ACOT7: variants seen among roughly 807,000 people sequenced by gnomAD.
ACOT7 encodes acyl-CoA thioesterase 7.
Under a neutral mutation model 40.2 loss-of-function variants are expected in ACOT7, and 12 were observed. The observed-to-expected ratio is 0.30, with a 90% CI of 0.19 to 0.48. The LOEUF is 0.48. Ranked by LOEUF, ACOT7 falls within the 20% of genes least tolerant of loss-of-function variation. The probability of loss-of-function intolerance (pLI) is 0.99; values close to 1 mark genes in which losing one functional copy is unlikely to be tolerated. For missense variants in ACOT7, 395 were observed against 530.8 expected (o/e 0.74, Z 2.51); for synonymous variants, 228 against 219.5 (o/e 1.04, Z -0.34).
chr1:6,336,333 CAAAAAAAAAAAAA>C (rs3029068), intron 3 of ACOT7, among the ~76,000 whole-genome samples: 44 of 52,776 alleles, frequency 8.3e-4, no homozygotes, highest in African/African-American at 3.3e-3. Context: ...GACTCGGTCT[CAAAAAAAAAAAAA>C]AAAAAAAAAA....
intron 6 of ACOT7, among the ~76,000 whole-genome samples, chr1:6,302,965 G>A (rs938780169): frequency 2.8e-4 from 42 of 152,206 alleles, no homozygotes; most frequent in Admixed American, 2.6e-3. Context: ...GAAAAACATA[G>A]TGCCTTCCTC....
At chr1:6,290,833 T>TG (rs1222956654) in intron 7 of ACOT7, among the ~76,000 whole-genome samples, 1 of 152,230 alleles carries the variant, frequency 6.6e-6, no homozygotes, top group Admixed American at 6.5e-5. Flanking sequence ...CTAGTGAGGC[T>TG]GCTCTCTGAA....
intron 8 of ACOT7, among the ~76,000 whole-genome samples, chr1:6,276,959 C>T (rs1404215226): frequency 1.3e-5 from 2 of 152,164 alleles, no homozygotes; most frequent in Admixed American, 1.3e-4. Context: ...GCCCCTTCCC[C>T]CAGGGCTGGC....
intron 3 of ACOT7, among the ~76,000 whole-genome samples, chr1:6,336,014 C>T (rs1641091037): frequency 6.6e-6 from 1 of 152,172 alleles, no homozygotes; most frequent in Non-Finnish European, 1.5e-5. Flanking sequence ...TTTTCTCCAT[C>T]ATTTAATGAA....
chr1:6,268,890 C>T (rs1305316634), intron 8 of ACOT7, among the ~76,000 whole-genome samples: 2 of 152,216 alleles, frequency 1.3e-5, no homozygotes, highest in African/African-American at 4.8e-5. Flanking sequence ...CCACAGCCCT[C>T]CAGCCGCCGA....
intron 5 of ACOT7, among the ~76,000 whole-genome samples, chr1:6,325,349 G>A (rs1640769565): frequency 6.6e-6 from 1 of 151,298 alleles, no homozygotes. Flanking sequence ...AGTGAGCTGA[G>A]ATCGCGCCAC....
intron 7 of ACOT7, among the ~76,000 whole-genome samples, chr1:6,285,843 G>T (rs1231861980): frequency 6.6e-6 from 1 of 152,158 alleles, no homozygotes; most frequent in African/African-American, 2.4e-5. Context: ...CAGCCCTCCC[G>T]CCAGGCATGA....
chr1:6,300,240 T>C (rs1639928840), intron 6 of ACOT7, among the ~76,000 whole-genome samples: 1 of 152,128 alleles, frequency 6.6e-6, no homozygotes, highest in South Asian at 2.1e-4. Context: ...CACCAAAGCC[T>C]AGCATCAGGA....
intron 3 of ACOT7, among the ~76,000 whole-genome samples, chr1:6,336,972 G>A (rs759754207): frequency 2.5e-4 from 38 of 152,194 alleles, no homozygotes; most frequent in Non-Finnish European, 4.7e-4. Context: ...CTACAGCCTT[G>A]GGGCTCCAAG....
At chr1:6,324,526 G>C (rs1640746285) in intron 5 of ACOT7, among the ~76,000 whole-genome samples, 1 of 152,112 alleles carries the variant, frequency 6.6e-6, no homozygotes, top group South Asian at 2.1e-4. Flanking sequence ...AGTAATTTTA[G>C]TGTCCCTGAG....
At chr1:6,376,053 G>A (rs922937255) in intron 1 of ACOT7, among the ~76,000 whole-genome samples, 2 of 151,996 alleles carry the variant, frequency 1.3e-5, no homozygotes, top group African/African-American at 2.4e-5. Flanking sequence ...TCAGAAGTTC[G>A]AGACCAGCCT....
chr1:6,330,344 G>A lies in ACOT7; in HGVS notation c.511-2931C>T, dbSNP rs1011822867. On this transcript the variant is annotated intron_variant, in intron 4 of 8. Coordinates refer to ENST00000361521, the MANE Select transcript of ACOT7 (RefSeq NM_007274.4). This position sits in a 1 kb window ranked among gnomAD's most constrained non-coding sequence, Gnocchi z 4.6. The stretch of plus-strand genomic sequence containing the variant: ...GGGATTCCTAAGCAGGCCTCTGGCC[G>A]GGCCCACCAGTGAAAAACAGGAGAC... Among the ~76,000 whole-genome samples the A allele has an allele frequency of 3.9e-5, 6 of 152,080 alleles. No homozygotes were observed. The highest frequency in any genetic ancestry group is 1.3e-4 in the Admixed American group (2 of 15,280).
chr1:6,321,876 T>C (rs1640654330), intron 5 of ACOT7, among the ~76,000 whole-genome samples: 1 of 152,214 alleles, frequency 6.6e-6, no homozygotes. Flanking sequence ...GCTTTTCCAA[T>C]CTTTTCATGC....
At chr1:6,334,408 G>C (rs1641044087) in intron 3 of ACOT7, among the ~76,000 whole-genome samples, 1 of 152,270 alleles carries the variant, frequency 6.6e-6, no homozygotes, top group African/African-American at 2.4e-5. Context: ...AGAGGCTCAG[G>C]AGGATGTGGA....
At chr1:6,270,362 T>C (rs891445024) in intron 8 of ACOT7, among the ~76,000 whole-genome samples, 2 of 152,098 alleles carry the variant, frequency 1.3e-5, no homozygotes, top group East Asian at 3.9e-4. Flanking sequence ...CTCTCTCAAG[T>C]CCCCGAGGCT....
At chr1:6,329,028 A>G (rs1381156226) in intron 4 of ACOT7, among the ~76,000 whole-genome samples, 1 of 152,114 alleles carries the variant, frequency 6.6e-6, no homozygotes, top group Non-Finnish European at 1.5e-5. Context: ...ATTCCAGCTG[A>G]GCTTGTGGGG....
chr1:6,387,259 C>G (rs1362254314), intron 1 of ACOT7, among the ~76,000 whole-genome samples: 1 of 152,116 alleles, frequency 6.6e-6, no homozygotes. Context: ...CTCATCAAAA[C>G]TCAGCAAACT....
At chr1:6,373,396 C>A (rs1417573765) in intron 1 of ACOT7, among the ~76,000 whole-genome samples, 1 of 152,118 alleles carries the variant, frequency 6.6e-6, no homozygotes, top group African/African-American at 2.4e-5. Flanking sequence ...GACTACGGCA[C>A]ATGCCACCAC....
At position 6,352,572 on chromosome 1, in the gene ACOT7, T is replaced by C. The variant is rs1299496549; in HGVS notation, c.144-2706A>G. On this transcript the variant is annotated intron_variant, in intron 1 of 8. Coordinates refer to ENST00000361521, the MANE Select transcript of ACOT7 (RefSeq NM_007274.4). The surrounding 1 kb of genome is among the most constrained non-coding windows in gnomAD (Gnocchi z 4.5). ...AGCCAGGGAAGCTGCTGCGTCTCAC[T>C]GGAGACTTCGTTTTCCCATTTCTTT... Among the ~76,000 whole-genome samples, 1 of 150,358 alleles carries C rather than the reference T, an allele frequency of 6.7e-6. No homozygotes were observed. The highest frequency in any genetic ancestry group is 2.4e-5 in the African/African-American group (1 of 41,026).
Sources: gnomAD v4.1 joint callset for allele counts (sites outside exome capture counted in the v4.1 genomes callset) on GRCh38, gnomAD v4.1.1 for gene constraint, Gnocchi (gnomAD v3.1) non-coding constraint, MANE v1.5 for transcripts, NCBI Gene and HGNC (gene_info 2026-07-23, HGNC 2026-07-21) for gene names.